TMTC1: variants seen among roughly 807,000 people sequenced by gnomAD.
TMTC1 encodes transmembrane O-mannosyltransferase targeting cadherins 1, also known as protein O-mannosyl-transferase TMTC1.
TMTC1 carries 73 observed loss-of-function variants against 104.8 expected under a neutral mutation model. The observed-to-expected ratio is 0.70, with a 90% CI of 0.58 to 0.85. TMTC1 has a LOEUF of 0.85. Ranked by LOEUF, TMTC1 falls within the 40% of genes least tolerant of loss-of-function variation. The pLI, the probability that TMTC1 is intolerant of heterozygous loss-of-function variation, is 0.00. For synonymous variants in TMTC1, 434 were observed against 428.7 expected (o/e 1.01, Z -0.15); for missense variants, 1,035 against 1,096.1 (o/e 0.94, Z 0.79).
At chr12:29,600,001 T>TAC (rs1228762760) in intron 7 of TMTC1, among the ~76,000 whole-genome samples, 7 of 103,082 alleles carry the variant, frequency 6.8e-5, no homozygotes, top group Non-Finnish European at 1.3e-4. Flanking sequence ...TACATATATA[T>TAC]ATATATATTT....
chr12:29,518,732 T>C (rs1944062133), intron 12 of TMTC1, 125 bp from the exon 13 acceptor site: 2 of 1,214,968 alleles, frequency 1.6e-6, no homozygotes, highest in South Asian at 4.2e-5. Context: ...AATTATTCAA[T>C]ATGCAAATTA....
intron 17 of TMTC1, among the ~76,000 whole-genome samples, chr12:29,508,993 C>T (rs1376673485): frequency 1.3e-5 from 2 of 152,166 alleles, no homozygotes; most frequent in African/African-American, 2.4e-5. Context: ...CACTTGATGG[C>T]CACTAGTCAC....
chr12:29,643,366 A>C (rs959500455), intron 5 of TMTC1, among the ~76,000 whole-genome samples: 1 of 137,680 alleles, frequency 7.3e-6, no homozygotes, highest in Non-Finnish European at 1.5e-5. Flanking sequence ...AGCACAATTC[A>C]CAATAGCACA....
At chr12:29,713,306 C>T (rs994541738) in intron 5 of TMTC1, among the ~76,000 whole-genome samples, 9 of 145,050 alleles carry the variant, frequency 6.2e-5, no homozygotes, top group African/African-American at 2.3e-4. Context: ...CACATACACA[C>T]ACACACACAC....
intron 5 of TMTC1, among the ~76,000 whole-genome samples, chr12:29,662,713 G>A (rs1399135601): frequency 6.6e-6 from 1 of 151,358 alleles, no homozygotes; most frequent in Non-Finnish European, 1.5e-5. Context: ...AACACATGTG[G>A]CTCCTCTGCT....
chr12:29,718,072 G>A (rs2136869214), intron 5 of TMTC1, among the ~76,000 whole-genome samples: 1 of 152,248 alleles, frequency 6.6e-6, no homozygotes, highest in East Asian at 1.9e-4. Context: ...TAATGGCGAA[G>A]TATCTTGTAT....
At chr12:29,550,442 T>C (rs1945064628) in intron 10 of TMTC1, among the ~76,000 whole-genome samples, 1 of 151,960 alleles carries the variant, frequency 6.6e-6, no homozygotes, top group South Asian at 2.1e-4. Flanking sequence ...GATGCTTAGG[T>C]CTTAATAGAA....
chr12:29,632,174 A>G (rs1047803347), intron 6 of TMTC1, among the ~76,000 whole-genome samples: 2 of 152,212 alleles, frequency 1.3e-5, no homozygotes, highest in South Asian at 2.1e-4. Context: ...TCCAAAGTTT[A>G]CCAGCCAATT....
Position 29,562,923 on chromosome 12 carries a change from T to G in TMTC1, c.1533-5923A>C, listed in dbSNP as rs527733443. Among the ~76,000 whole-genome samples the G allele has an allele frequency of 7.9e-5, 12 of 152,298 alleles. No homozygotes were observed. In the South Asian group the frequency reaches 2.1e-3, roughly 26 times the overall value. On this transcript the variant is annotated intron_variant, in intron 9 of 17. Coordinates refer to ENST00000539277, the MANE Select transcript of TMTC1 (RefSeq NM_001193451.2). The stretch of plus-strand genomic sequence containing the variant: ...AAGCAGCCAGTTCTCCTTCCTCACA[T>G]GGATTTTTCATCCTCTGAAAAATCA...
chr12:29,701,223 C>T (rs986350655), intron 5 of TMTC1, among the ~76,000 whole-genome samples: 1 of 152,086 alleles, frequency 6.6e-6, no homozygotes, highest in Non-Finnish European at 1.5e-5. Context: ...TCAAAGAGAA[C>T]AGGGTGACCA....
chr12:29,506,747 T>A lies in TMTC1; in HGVS notation c.*99A>T. The A allele has an allele frequency of 1.4e-6, 2 of 1,454,612 alleles. No homozygotes were observed. The highest frequency in any genetic ancestry group is 1.2e-5 in the South Asian group (1 of 82,284). 90.1% of individuals were successfully genotyped at this position (1,454,612 alleles called of 1,614,324 possible). Reference sequence around the variant, plus strand: ...ACCCTGAACTCGGAATGAGAGAAAATCTCATTAGTTGTGCCCCTGCTGATG... The same window carrying A: ...ACCCTGAACTCGGAATGAGAGAAAAACTCATTAGTTGTGCCCCTGCTGATG... On this transcript the variant is annotated 3_prime_UTR_variant, in exon 18 of 18. Coordinates refer to ENST00000539277, the MANE Select transcript of TMTC1 (RefSeq NM_001193451.2).
At chr12:29,699,763 C>T (rs1941531612) in intron 5 of TMTC1, among the ~76,000 whole-genome samples, 1 of 150,044 alleles carries the variant, frequency 6.7e-6, no homozygotes, top group South Asian at 2.1e-4. Context: ...AGCGATCCTC[C>T]TGAGTAGCTG....
intron 5 of TMTC1, among the ~76,000 whole-genome samples, chr12:29,639,324 G>A (rs1201673486): frequency 2.6e-5 from 4 of 152,148 alleles, no homozygotes; most frequent in Non-Finnish European, 5.9e-5. Context: ...TTAAGTAGGT[G>A]GAGAGATGGG....
chr12:29,694,993 A>G (rs1010642226), intron 5 of TMTC1, among the ~76,000 whole-genome samples: 7 of 152,254 alleles, frequency 4.6e-5, no homozygotes, highest in African/African-American at 1.7e-4. Flanking sequence ...ATTTTCTCAG[A>G]TTTTTGGAGA....
intron 6 of TMTC1, among the ~76,000 whole-genome samples, chr12:29,629,293 C>A (rs935907253): frequency 1.3e-5 from 2 of 151,642 alleles, no homozygotes; most frequent in Non-Finnish European, 2.9e-5. Context: ...GCACTCCAGC[C>A]TGGGCAACAG....
At chr12:29,727,592 G>A in intron 5 of TMTC1, among the ~76,000 whole-genome samples, 1 of 151,946 alleles carries the variant, frequency 6.6e-6, no homozygotes, top group East Asian at 1.9e-4. Context: ...TAACCAGGAT[G>A]GTCTCAATCT....
At chr12:29,643,835 A>G (rs1203810794) in intron 5 of TMTC1, among the ~76,000 whole-genome samples, 1 of 79,120 alleles carries the variant, frequency 1.3e-5, no homozygotes, top group Non-Finnish European at 2.2e-5. Context: ...ATATTTATAT[A>G]TATTTATATA....
At chr12:29,561,260 C>A (rs1945370078) in intron 9 of TMTC1, among the ~76,000 whole-genome samples, 1 of 151,588 alleles carries the variant, frequency 6.6e-6, no homozygotes, top group African/African-American at 2.4e-5. Context: ...TCCTGTAAAT[C>A]TGTTTTTAAA....
intron 7 of TMTC1, among the ~76,000 whole-genome samples, chr12:29,603,956 T>C (rs189508775): frequency 5.3e-4 from 80 of 152,328 alleles, no homozygotes; most frequent in African/African-American, 1.8e-3. Flanking sequence ...ACATTTAAAC[T>C]ATAAAGTTTG....
Sources: allele counts gnomAD v4.1 joint callset (sites outside exome capture counted in the v4.1 genomes callset), GRCh38; gene constraint gnomAD v4.1.1; transcripts MANE v1.5; gene names NCBI Gene and HGNC (gene_info 2026-07-23, HGNC 2026-07-21).